Variants in LRFN5 observed in about 807,000 individuals in gnomAD.
LRFN5 encodes leucine rich repeat and fibronectin type III domain containing 5, also known as leucine-rich repeat and fibronectin type-III domain-containing protein 5.
LRFN5 carries 24 observed loss-of-function variants against 45.6 expected under a neutral mutation model. The ratio of observed to expected loss-of-function variants is 0.53; its 90% CI spans 0.38 to 0.74. The LOEUF is 0.74. LRFN5 is among the 30% of genes least tolerant of loss of function. LRFN5 has a pLI of 0.00. For missense variants in LRFN5, 776 were observed against 861.5 expected (o/e 0.90, Z 1.24); for synonymous variants, 340 against 313.8 (o/e 1.08, Z -0.88).
chr14:41,628,372 C>T (rs1249029065), intron 1 of LRFN5, among the ~76,000 whole-genome samples: 2 of 152,060 alleles, frequency 1.3e-5, no homozygotes, highest in Non-Finnish European at 2.9e-5. Flanking sequence ...TATTGCTAAA[C>T]GTCTTCCTGT....
intron 1 of LRFN5, among the ~76,000 whole-genome samples, chr14:41,615,533 C>T (rs763605436): frequency 3.3e-5 from 5 of 152,124 alleles, no homozygotes; most frequent in Admixed American, 6.5e-5. Context: ...TAGTCTTCAT[C>T]ATCACCATTT....
At chr14:41,678,819 A>G (rs920533832) in intron 1 of LRFN5, among the ~76,000 whole-genome samples, 21 of 152,192 alleles carry the variant, frequency 1.4e-4, no homozygotes, top group Admixed American at 1.0e-3. Flanking sequence ...ACCAGGTTTT[A>G]ACTTCATATT....
At chr14:41,679,659 T>C (rs1389506281) in intron 1 of LRFN5, among the ~76,000 whole-genome samples, 1 of 152,058 alleles carries the variant, frequency 6.6e-6, no homozygotes, top group East Asian at 1.9e-4. Flanking sequence ...ATGTGCTAGC[T>C]TCAGGTGTGA....
At chr14:41,640,461 CA>C (rs1879524726) in intron 1 of LRFN5, among the ~76,000 whole-genome samples, 1 of 152,032 alleles carries the variant, frequency 6.6e-6, no homozygotes, top group Non-Finnish European at 1.5e-5. Context: ...GATGCATTTC[CA>C]TTCTCAAATG....
chr14:41,746,286 T>C (rs1884915077), intron 1 of LRFN5, among the ~76,000 whole-genome samples: 2 of 151,982 alleles, frequency 1.3e-5, no homozygotes, highest in Non-Finnish European at 2.9e-5. Context: ...AAGAAAAGAT[T>C]TGACAAAATT....
At chr14:41,765,168 C>T (rs1885827891) in intron 1 of LRFN5, among the ~76,000 whole-genome samples, 1 of 151,922 alleles carries the variant, frequency 6.6e-6, no homozygotes, top group Non-Finnish European at 1.5e-5. Context: ...AGTGAAACCC[C>T]GTCTCTACTA....
At chr14:41,727,261 T>C (rs1883976081) in intron 1 of LRFN5, among the ~76,000 whole-genome samples, 1 of 152,158 alleles carries the variant, frequency 6.6e-6, no homozygotes, top group Admixed American at 6.6e-5. Context: ...TAAACGACAG[T>C]TAGTATTAAA....
intron 4 of LRFN5, chr14:41,893,259 A>C: frequency 4.2e-6 from 4 of 957,862 alleles, no homozygotes; most frequent in Non-Finnish European, 5.0e-6. Context: ...ATAATATGGA[A>C]TTATTAGAAA....
intron 2 of LRFN5, among the ~76,000 whole-genome samples, chr14:41,864,813 GTTGA>G (rs1889784217): frequency 6.6e-6 from 1 of 150,772 alleles, no homozygotes; most frequent in Non-Finnish European, 1.5e-5. Flanking sequence ...TCCTTTTTTG[GTTGA>G]TTATTTTTCC....
chr14:41,874,893 A>G (rs1566497356), intron 2 of LRFN5, among the ~76,000 whole-genome samples: 1 of 152,186 alleles, frequency 6.6e-6, no homozygotes, highest in East Asian at 1.9e-4. Context: ...AGTGCTGAGC[A>G]AAAGGAGAAA....
intron 1 of LRFN5, among the ~76,000 whole-genome samples, chr14:41,709,254 T>G (rs1043855096): frequency 7.2e-5 from 11 of 152,012 alleles, no homozygotes; most frequent in Admixed American, 7.2e-4. Context: ...ATGCTGAAAT[T>G]AACACAAATT....
chr14:41,683,012 A>T (rs982602701), intron 1 of LRFN5, among the ~76,000 whole-genome samples: 3 of 152,204 alleles, frequency 2.0e-5, no homozygotes, highest in Admixed American at 2.0e-4. Context: ...GTAAATAAAT[A>T]AATTAATTAA....
At chr14:41,687,585 C>A (rs910828636) in intron 1 of LRFN5, among the ~76,000 whole-genome samples, 2 of 152,164 alleles carry the variant, frequency 1.3e-5, no homozygotes, top group Non-Finnish European at 2.9e-5. Flanking sequence ...ATGGAACCAA[C>A]TCAAATGTCC....
chr14:41,863,603 GT>G (rs1472381733), intron 2 of LRFN5, among the ~76,000 whole-genome samples: 1 of 152,098 alleles, frequency 6.6e-6, no homozygotes, highest in African/African-American at 2.4e-5. Flanking sequence ...TGAATTTCTA[GT>G]TTAATTGCAC....
intron 2 of LRFN5, among the ~76,000 whole-genome samples, chr14:41,775,247 G>C (rs886494241): frequency 3.3e-5 from 5 of 151,636 alleles, no homozygotes; most frequent in South Asian, 4.2e-4. Flanking sequence ...CCCACCACCA[G>C]GCCCGGCTAA....
In LRFN5 at chr14:41,808,408, AAAGG is replaced by A. The variant is rs1297851268; in HGVS notation, c.-21+41399_-21+41402del. 4.0e-3 allele frequency among the ~76,000 whole-genome samples: 82 copies of A among 20,608 alleles called. 3 individuals carry two copies. Among genetic ancestry groups the A allele is most frequent in the Non-Finnish European group, 7.6e-3 (75 of 9,820 alleles). 13.5% of individuals were successfully genotyped at this position (20,608 alleles called of 152,430 possible). A position where few individuals can be genotyped will look rare whatever the true frequency, so the allele number is the denominator to read the frequency against. On this transcript the variant is annotated intron_variant, in intron 2 of 5. Coordinates refer to ENST00000298119, the MANE Select transcript of LRFN5 (RefSeq NM_152447.5). ...GAAGGAAGGAAAGGAAGAAAGGAAGAAAGGAAGGAAGGAAGGAAGGAAGAATCGA... is the reference window on the plus strand; with the variant it reads ...GAAGGAAGGAAAGGAAGAAAGGAAGAAAGGAAGGAAGGAAGGAAGAATCGA...
intron 1 of LRFN5, among the ~76,000 whole-genome samples, chr14:41,683,007 T>A (rs1351413573): frequency 1.3e-5 from 2 of 151,988 alleles, no homozygotes; most frequent in Non-Finnish European, 2.9e-5. Context: ...CAGCAGTAAA[T>A]AAATAAATTA....
At chr14:41,644,595 T>A (rs937371238) in intron 1 of LRFN5, among the ~76,000 whole-genome samples, 3 of 152,128 alleles carry the variant, frequency 2.0e-5, no homozygotes, top group African/African-American at 7.2e-5. Flanking sequence ...TTTGTGTGTG[T>A]GTGTGTTATG....
At chr14:41,713,089 T>A (rs1883351853) in intron 1 of LRFN5, among the ~76,000 whole-genome samples, 1 of 152,108 alleles carries the variant, frequency 6.6e-6, no homozygotes, top group Admixed American at 6.6e-5. Flanking sequence ...AAACTGTATA[T>A]CATAGAAATG....
Sources: allele counts gnomAD v4.1 joint callset (sites outside exome capture counted in the v4.1 genomes callset), GRCh38; gene constraint gnomAD v4.1.1; transcripts MANE v1.5; gene names NCBI Gene and HGNC (gene_info 2026-07-23, HGNC 2026-07-21).